The following CD47 variants were observed in gnomAD, a reference collection of about 807,000 sequenced individuals.
CD47 encodes leukocyte surface antigen CD47.
In CD47, 11 loss-of-function variants were observed where a neutral mutation model predicts 44.6. The ratio of observed to expected loss-of-function variants is 0.25; its 90% CI spans 0.16 to 0.41. The LOEUF (loss-of-function observed/expected upper bound fraction) is 0.41, where lower values mean the gene tolerates loss of function less well. Ranked by LOEUF, CD47 falls within the 10% of genes least tolerant of loss-of-function variation. The pLI is 1.00. For missense variants in CD47, 306 were observed against 386.7 expected (o/e 0.79, Z 1.75); for synonymous variants, 140 against 136.3 (o/e 1.03, Z -0.19).
intron 4 of CD47, among the ~76,000 whole-genome samples, 183 bp downstream of exon 4, chr3:108,060,562 G>A (rs1443719217): frequency 6.6e-6 from 1 of 152,164 alleles, no homozygotes; most frequent in African/African-American, 2.4e-5. Flanking sequence ...GAGGGAGTGT[G>A]GCCCTGATGA....
At chr3:108,090,816 G>T in intron 1 of CD47, 47 bp downstream of exon 1, 1 of 1,454,754 alleles carries the variant, frequency 6.9e-7, no homozygotes, top group Non-Finnish European at 9.0e-7. Context: ...ACGCCCGCGG[G>T]GGCGAAGCGA....
intron 2 of CD47, 54 bp downstream of exon 2, chr3:108,079,937 A>G (rs1428714597): frequency 1.6e-6 from 2 of 1,215,342 alleles, no homozygotes; most frequent in South Asian, 1.4e-5. Flanking sequence ...CTCTCGAAAG[A>G]GGATCAGGTT....
At chr3:108,089,354 C>T (rs888364797) in intron 1 of CD47, among the ~76,000 whole-genome samples, 7 of 152,144 alleles carry the variant, frequency 4.6e-5, no homozygotes, top group Non-Finnish European at 8.8e-5. Flanking sequence ...GAAGGCCTAA[C>T]ATAAATCCTA....
At chr3:108,068,932 T>C (rs2079149674) in intron 3 of CD47, among the ~76,000 whole-genome samples, 1 of 152,180 alleles carries the variant, frequency 6.6e-6, no homozygotes, top group Non-Finnish European at 1.5e-5. Flanking sequence ...CCAAAATATT[T>C]CTTTAGGTTT....
intron 2 of CD47, among the ~76,000 whole-genome samples, chr3:108,074,767 C>G (rs975894656): frequency 1.3e-5 from 2 of 151,334 alleles, no homozygotes; most frequent in Non-Finnish European, 2.9e-5. Flanking sequence ...AGTTTGAAAT[C>G]ACTGCTGCAC....
At chr3:108,086,289 G>T (rs1483343576) in intron 1 of CD47, among the ~76,000 whole-genome samples, 2 of 151,802 alleles carry the variant, frequency 1.3e-5, no homozygotes, top group Non-Finnish European at 2.9e-5. Context: ...GTAAAGGAAG[G>T]ACTGAGGGCA....
At chr3:108,074,317 T>C (rs1318335005) in intron 2 of CD47, among the ~76,000 whole-genome samples, 2 of 150,766 alleles carry the variant, frequency 1.3e-5, no homozygotes, top group Non-Finnish European at 3.0e-5. Context: ...AAGTGATTCT[T>C]TTTTTTTTAT....
rs113255731 is a variant in CD47, at chr3:108,072,526, G to C, written c.401-1344C>G. Among the ~76,000 whole-genome samples, 695 of 152,226 alleles carry C rather than the reference G, an allele frequency of 4.6e-3. 4 individuals are homozygous for C. Among genetic ancestry groups the C allele is most frequent in the African/African-American group, 0.016 (654 of 41,534 alleles). ...AGACTCCATATGTTTGCTGTTGAGG[G>C]TTGCAATGGTCATAAGACAGTTTTG... On this transcript the variant is annotated intron_variant, in intron 2 of 10. Transcript: ENST00000361309.
rs137859422 is a variant in CD47, at chr3:108,045,904, T to G, written c.*1384A>C. On this transcript the variant is annotated 3_prime_UTR_variant, in exon 11 of 11. Coordinates refer to ENST00000361309, the MANE Select transcript of CD47 (RefSeq NM_001777.4). ...ATATAATTCCACCCAATAAAGAACTTTGTATTTAAATGTTTTTACTAAAAG... is the reference window on the plus strand; with the variant it reads ...ATATAATTCCACCCAATAAAGAACTGTGTATTTAAATGTTTTTACTAAAAG... 3.9e-5 allele frequency: 6 copies of G among 152,318 alleles called. No homozygotes were observed. The highest frequency in any genetic ancestry group is 1.4e-4 in the African/African-American group (6 of 41,560). 9.4% of individuals were successfully genotyped at this position (152,318 alleles called of 1,614,324 possible). A position where few individuals can be genotyped will look rare whatever the true frequency, so the allele number is the denominator to read the frequency against.
chr3:108,090,808 G>T, intron 1 of CD47, 55 bp downstream of exon 1: 1 of 1,439,718 alleles, frequency 6.9e-7, no homozygotes, highest in Non-Finnish European at 9.1e-7. Flanking sequence ...CAGCCCACAC[G>T]CCCGCGGGGG....
At chr3:108,082,419 T>G (rs2079436870) in intron 1 of CD47, among the ~76,000 whole-genome samples, 1 of 152,044 alleles carries the variant, frequency 6.6e-6, no homozygotes, top group Non-Finnish European at 1.5e-5. Context: ...TATTGACCAA[T>G]TTTGCATTTA....
rs2078716219 is a variant in CD47 at position 108,045,956 on chromosome 3, A to T, written c.*1332T>A. The T allele has an allele frequency of 6.6e-6, 1 of 152,242 alleles. No homozygotes were observed. Among genetic ancestry groups the T allele is most frequent in the African/African-American group, 2.4e-5 (1 of 41,474 alleles). The allele number at this position is 152,242 out of a possible 1,614,324, so 9.4% of individuals were successfully genotyped here. On this transcript the variant is annotated 3_prime_UTR_variant, in exon 11 of 11. Transcript: ENST00000361309. ...ACAAAATTAACCTTTGCTCTCCTGT[A>T]GGTACCCCACCTTTGTCCATACAGA...
At chr3:108,048,859 G>A (rs1465541583) in intron 10 of CD47, among the ~76,000 whole-genome samples, 1 of 151,972 alleles carries the variant, frequency 6.6e-6, no homozygotes, top group Non-Finnish European at 1.5e-5. Flanking sequence ...AATATCAAAG[G>A]TAAGAAGACA....
chr3:108,082,434 C>G (rs2079437089), intron 1 of CD47, among the ~76,000 whole-genome samples: 2 of 151,960 alleles, frequency 1.3e-5, no homozygotes, highest in Non-Finnish European at 2.9e-5. Flanking sequence ...CATTTATTAG[C>G]AAATTCATTT....
At chr3:108,062,115 A>T (rs990631326) in intron 3 of CD47, among the ~76,000 whole-genome samples, 2 of 152,086 alleles carry the variant, frequency 1.3e-5, no homozygotes, top group Non-Finnish European at 2.9e-5. Context: ...TACACAGTTG[A>T]GTAACTGAAA....
chr3:108,052,147 T>A, intron 7 of CD47, 177 bp from the exon 8 acceptor site: 1 of 448,518 alleles, frequency 2.2e-6, no homozygotes, highest in Non-Finnish European at 4.1e-6. Flanking sequence ...CTTGATTATA[T>A]ACACTGATTT....
intron 9 of CD47, 141 bp from the exon 10 acceptor site, chr3:108,049,792 T>G (rs754428531): frequency 1.5e-6 from 1 of 671,062 alleles, no homozygotes; most frequent in Non-Finnish European, 2.7e-6. Context: ...CATTTCATTA[T>G]GTAGCCTTTC....
Position 108,057,568 on chromosome 3 carries a change from C to A in CD47, c.786G>T (p.Ala262=). The A allele has an allele frequency of 4.1e-6, 6 of 1,458,920 alleles. No individual in the cohort carries two copies. Among genetic ancestry groups the A allele is most frequent in the Non-Finnish European group, 5.8e-6 (6 of 1,042,962 alleles). 90.4% of individuals were successfully genotyped at this position (1,458,920 alleles called of 1,614,324 possible). Residue 262 remains alanine, a splice_region_variant and synonymous_variant, in exon 7 of 11, where the codon GCG becomes GCT. Transcript: ENST00000361309. ...AVVGLSLCIA[A]CIPMHGPLLI... is the part of the protein sequence containing the mutation. ...GAAGAGGGCCATGCATTGGTATACACGCTGTAAAAACAAATAAAATTCTGT... is the reference window on the plus strand; with the variant it reads ...GAAGAGGGCCATGCATTGGTATACAAGCTGTAAAAACAAATAAAATTCTGT...
chr3:108,080,316 T>C lies in CD47; in HGVS notation c.75A>G (p.Thr25=). 1 of 1,607,478 alleles carries C rather than the reference T, an allele frequency of 6.2e-7. No individual in the cohort carries two copies. The highest frequency in any genetic ancestry group is 8.5e-7 in the Non-Finnish European group (1 of 1,175,364). ...TACAAAACGTGAATTCTACAGATTT[T>C]GTTTTATTAAATAGTAGCTGAGCTG... ...CGSAQLLFNK[T]KSVEFTFCND... is the part of the protein sequence containing the mutation. Residue 25 remains threonine, a synonymous_variant, in exon 2 of 11, where the codon ACA becomes ACG. Transcript: ENST00000361309.
Sources: gnomAD v4.1 joint callset for allele counts (sites outside exome capture counted in the v4.1 genomes callset) on GRCh38, gnomAD v4.1.1 for gene constraint, MANE v1.5 for transcripts, NCBI Gene and HGNC (gene_info 2026-07-23, HGNC 2026-07-21) for gene names.